The following CTNNA2 variants were observed in gnomAD, a reference collection of about 807,000 sequenced individuals.
The protein encoded by CTNNA2 is catenin alpha-2.
In CTNNA2, 42 loss-of-function variants were observed where a neutral mutation model predicts 101.0. That is an observed-to-expected ratio of 0.42 (90% CI 0.32 to 0.54). The LOEUF (loss-of-function observed/expected upper bound fraction) is 0.54, where lower values mean the gene tolerates loss of function less well. CTNNA2 is among the 20% of genes least tolerant of loss of function. CTNNA2 has a pLI of 0.14. For missense variants in CTNNA2, 871 were observed against 1,223.1 expected (o/e 0.71, Z 4.29); for synonymous variants, 450 against 456.4 (o/e 0.99, Z 0.18).
intron 7 of CTNNA2, among the ~76,000 whole-genome samples, chr2:80,207,083 CT>C (rs1266683579): frequency 6.6e-6 from 1 of 152,156 alleles, no homozygotes; most frequent in Non-Finnish European, 1.5e-5. Flanking sequence ...GTTTCTTCCC[CT>C]GATAAATGAA....
At chr2:79,478,180 G>A (rs186911393) in intron 4 of CTNNA2, among the ~76,000 whole-genome samples, 3 of 152,216 alleles carry the variant, frequency 2.0e-5, no homozygotes, top group Admixed American at 2.0e-4. Context: ...CTTTGGAGCT[G>A]TAGCTTAAAG....
intron 4 of CTNNA2, among the ~76,000 whole-genome samples, chr2:79,433,266 G>A (rs562353916): frequency 6.6e-6 from 1 of 152,236 alleles, no homozygotes; most frequent in Non-Finnish European, 1.5e-5. Context: ...CCAAATTTTG[G>A]GGGGAACAGG....
intron 3 of CTNNA2, among the ~76,000 whole-genome samples, chr2:79,786,202 A>G: frequency 6.6e-6 from 1 of 152,190 alleles, no homozygotes. Context: ...ATATTTAAGT[A>G]GAAAAGCAGA....
chr2:79,655,758 G>A (rs1681567006), intron 2 of CTNNA2, among the ~76,000 whole-genome samples: 1 of 151,594 alleles, frequency 6.6e-6, no homozygotes, highest in Non-Finnish European at 1.5e-5. Flanking sequence ...GAACACAGGA[G>A]GCAGAGGTTA....
At chr2:79,675,104 G>C (rs978030433) in intron 2 of CTNNA2, among the ~76,000 whole-genome samples, 21 of 152,082 alleles carry the variant, frequency 1.4e-4, no homozygotes, top group African/African-American at 4.8e-4. Flanking sequence ...CTGAAATAAT[G>C]ATCACCTATT....
chr2:80,313,424 AG>A lies in CTNNA2; in HGVS notation c.1057-79786del. On this transcript the variant is annotated intron_variant, in intron 7 of 18. Coordinates refer to ENST00000402739, the MANE Select transcript of CTNNA2 (RefSeq NM_001282597.3). ...TGTGGTGCCTACCCTGTGTGTTCAC[AG>A]TTCTGGAGTGGAGATGATGAGTAAC... 3 of 1,447,452 alleles carry A rather than the reference AG, an allele frequency of 2.1e-6. No individual in the cohort carries two copies. The South Asian group carries it at 4.6e-5, about 22-fold the overall frequency. 89.7% of individuals were successfully genotyped at this position (1,447,452 alleles called of 1,614,324 possible).
At chr2:80,476,314 T>G (rs891225153) in intron 9 of CTNNA2, among the ~76,000 whole-genome samples, 10 of 152,258 alleles carry the variant, frequency 6.6e-5, no homozygotes, top group African/African-American at 2.2e-4. Flanking sequence ...TGCACACTCC[T>G]TAAGACCCAA....
chr2:79,668,214 T>C (rs956325998), intron 2 of CTNNA2, among the ~76,000 whole-genome samples: 18 of 120,752 alleles, frequency 1.5e-4, no homozygotes, highest in Non-Finnish European at 2.7e-4. Flanking sequence ...CAGTCCGCAG[T>C]CCGACCTGGG....
intron 6 of CTNNA2, among the ~76,000 whole-genome samples, chr2:79,902,966 G>T (rs148770878): frequency 6.0e-4 from 91 of 152,224 alleles, no homozygotes; most frequent in African/African-American, 2.1e-3. Flanking sequence ...ATATTCCAAG[G>T]TTTGTGTGCC....
intron 3 of CTNNA2, among the ~76,000 whole-genome samples, chr2:79,818,970 TTC>T (rs1677790101): frequency 7.1e-6 from 1 of 141,446 alleles, no homozygotes; most frequent in African/African-American, 2.6e-5. Context: ...CTCCTCCATA[TTC>T]TTTTTCTTTT....
At position 79,810,310 on chromosome 2, in the gene CTNNA2, G is replaced by A. The variant is rs554872229; in HGVS notation, c.299-47703G>A. ...CATCACAGTTGGCGAGGGAGAATGA[G>A]AGCCAAGCGAAAGAGAAACGCCCAT... is the stretch of plus-strand genomic sequence containing the variant. On this transcript the variant is annotated intron_variant, in intron 3 of 18. Coordinates refer to ENST00000402739, the MANE Select transcript of CTNNA2 (RefSeq NM_001282597.3). Among the ~76,000 whole-genome samples, 93 of 152,150 alleles carry A rather than the reference G, an allele frequency of 6.1e-4. 1 individual carries two copies. The highest frequency in any genetic ancestry group is 1.3e-3 in the Non-Finnish European group (87 of 68,000).
chr2:80,371,911 T>C (rs1476616701), intron 7 of CTNNA2, among the ~76,000 whole-genome samples: 1 of 152,184 alleles, frequency 6.6e-6, no homozygotes, highest in Non-Finnish European at 1.5e-5. Flanking sequence ...GGACTTGATT[T>C]TCACAGAGTG....
chr2:80,494,897 G>T (rs990744670), intron 9 of CTNNA2, among the ~76,000 whole-genome samples: 4 of 152,120 alleles, frequency 2.6e-5, no homozygotes, highest in African/African-American at 9.7e-5. Flanking sequence ...AGTTCCCAAG[G>T]AGTCAGAATC....
At chr2:79,685,572 C>T (rs1020258923) in intron 2 of CTNNA2, among the ~76,000 whole-genome samples, 8 of 152,136 alleles carry the variant, frequency 5.3e-5, no homozygotes, top group Admixed American at 1.3e-4. Flanking sequence ...AATATGTACA[C>T]GGAGTCTAGG....
At chr2:79,412,385 C>A (rs1459970899) in intron 4 of CTNNA2, among the ~76,000 whole-genome samples, 1 of 151,924 alleles carries the variant, frequency 6.6e-6, no homozygotes, top group African/African-American at 2.4e-5. Flanking sequence ...CAGCTCTGCA[C>A]CAAGCAGACC....
At chr2:80,252,465 C>A (rs547034217) in intron 7 of CTNNA2, among the ~76,000 whole-genome samples, 3 of 152,240 alleles carry the variant, frequency 2.0e-5, no homozygotes, top group African/African-American at 7.2e-5. Context: ...CTTGGCTCAG[C>A]CTCTTGGGTT....
At chr2:79,840,766 C>CT (rs67401953) in intron 3 of CTNNA2, among the ~76,000 whole-genome samples, 2 of 143,878 alleles carry the variant, frequency 1.4e-5, no homozygotes, top group East Asian at 2.1e-4. Flanking sequence ...GACTACCTCT[C>CT]TTTTTTTTTT....
chr2:79,198,325 A>G (rs1168144209), intron 2 of CTNNA2, among the ~76,000 whole-genome samples: 2 of 152,220 alleles, frequency 1.3e-5, no homozygotes, highest in Admixed American at 1.3e-4. Context: ...GGTGAAAATA[A>G]GCATGGATTG....
At chr2:80,591,259 T>C (rs1696463567) in intron 15 of CTNNA2, among the ~76,000 whole-genome samples, 1 of 152,144 alleles carries the variant, frequency 6.6e-6, no homozygotes, top group Non-Finnish European at 1.5e-5. Context: ...CATATCATTA[T>C]GCTGATTTAA....
Sources: allele counts gnomAD v4.1 joint callset (sites outside exome capture counted in the v4.1 genomes callset), GRCh38; gene constraint gnomAD v4.1.1; transcripts MANE v1.5; gene names NCBI Gene and HGNC (gene_info 2026-07-23, HGNC 2026-07-21).